CDYL2: variants seen among roughly 807,000 people sequenced by gnomAD.
CDYL2 encodes the protein chromodomain Y like 2.
Under a neutral mutation model 49.4 loss-of-function variants are expected in CDYL2, and 23 were observed. That is an observed-to-expected ratio of 0.47 (90% CI 0.34 to 0.66). CDYL2 has a LOEUF of 0.66. Among genes scored for constraint, CDYL2 ranks in the 30% least tolerant of loss-of-function variants. CDYL2 has a pLI of 0.01. For missense variants in CDYL2, 678 were observed against 656.4 expected (o/e 1.03, Z -0.36); for synonymous variants, 360 against 268.8 (o/e 1.34, Z -3.32).
intron 1 of CDYL2, among the ~76,000 whole-genome samples, chr16:80,746,858 A>T (rs1473022881): frequency 6.6e-6 from 1 of 152,144 alleles, no homozygotes; most frequent in Non-Finnish European, 1.5e-5. Flanking sequence ...GACTTTAACA[A>T]CTTGCAGACT....
At chr16:80,632,883 G>T in intron 3 of CDYL2, 136 bp downstream of exon 3, 2 of 735,144 alleles carry the variant, frequency 2.7e-6, no homozygotes, top group Admixed American at 5.0e-5. Context: ...CAAATTGCGC[G>T]CTGCAGTCAA....
chr16:80,678,282 G>C (rs1047531103), intron 2 of CDYL2, among the ~76,000 whole-genome samples: 2 of 152,164 alleles, frequency 1.3e-5, no homozygotes, highest in Admixed American at 6.5e-5. Context: ...AAACTAAAGA[G>C]CTTCTGTACA....
intron 1 of CDYL2, among the ~76,000 whole-genome samples, chr16:80,691,086 T>C (rs887265830): frequency 6.6e-6 from 1 of 151,902 alleles, no homozygotes; most frequent in African/African-American, 2.4e-5. Context: ...AAAGAAGACA[T>C]CCACGCCTAC....
At chr16:80,678,448 G>T (rs929253898) in intron 2 of CDYL2, among the ~76,000 whole-genome samples, 4 of 152,076 alleles carry the variant, frequency 2.6e-5, no homozygotes, top group African/African-American at 7.3e-5. Flanking sequence ...AAAAGTGGGC[G>T]AAGGACATGA....
intron 1 of CDYL2, among the ~76,000 whole-genome samples, chr16:80,709,943 T>TTTAACATGGAGTTTCACTC (rs1482019267): frequency 1.3e-5 from 2 of 152,120 alleles, no homozygotes; most frequent in African/African-American, 2.4e-5. Flanking sequence ...TTTTTTTTTT[T>TTTAACATGGAGTTTCACTC]TTAACATGGA....
At chr16:80,638,443 A>T (rs2142400769) in intron 2 of CDYL2, among the ~76,000 whole-genome samples, 1 of 152,308 alleles carries the variant, frequency 6.6e-6, no homozygotes, top group Non-Finnish European at 1.5e-5. Context: ...ATCCCAATTC[A>T]AATCCCAGCA....
chr16:80,662,033 T>C (rs573927854), intron 2 of CDYL2, among the ~76,000 whole-genome samples: 2 of 152,188 alleles, frequency 1.3e-5, no homozygotes, highest in Non-Finnish European at 2.9e-5. Flanking sequence ...ATGTTCCTAG[T>C]GGTGCATTCC....
intron 2 of CDYL2, chr16:80,670,900 G>C (rs1390400330): frequency 2.2e-6 from 1 of 455,916 alleles, no homozygotes; most frequent in South Asian, 1.5e-5. Flanking sequence ...GAAGATAAAA[G>C]GGGCTCTATA....
At chr16:80,696,914 C>G (rs1910634937) in intron 1 of CDYL2, among the ~76,000 whole-genome samples, 1 of 152,158 alleles carries the variant, frequency 6.6e-6, no homozygotes, top group Admixed American at 6.5e-5. Context: ...AGAGAATCAC[C>G]TGAAGTCAGG....
At chr16:80,705,188 C>T (rs1216213764) in intron 1 of CDYL2, among the ~76,000 whole-genome samples, 2 of 152,244 alleles carry the variant, frequency 1.3e-5, no homozygotes, top group East Asian at 3.8e-4. Flanking sequence ...CCAGAGGTGG[C>T]ATCAGTTTCC....
chr16:80,740,234 C>A (rs1437868883), intron 1 of CDYL2, among the ~76,000 whole-genome samples: 2 of 152,196 alleles, frequency 1.3e-5, no homozygotes, highest in East Asian at 3.8e-4. Context: ...ATGAAACTTG[C>A]CACTTGTTTT....
rs13336907 is a variant in CDYL2 at position 80,748,781 on chromosome 16, C to T, written c.24+55369G>A. ...TCTACCCCCAACTTAACAGTTGATC[C>T]CTGTCCTTGAGCTGCCCTTGTCTCT... is the stretch of plus-strand genomic sequence containing the variant. On this transcript the variant is annotated intron_variant, in intron 1 of 6. Transcript: ENST00000570137. Among the ~76,000 whole-genome samples, 478 of 152,088 alleles carry T rather than the reference C, an allele frequency of 3.1e-3. 2 individuals carry two copies. The highest frequency in any genetic ancestry group is 0.011 in the African/African-American group (467 of 41,472).
intron 1 of CDYL2, among the ~76,000 whole-genome samples, chr16:80,753,102 A>T (rs1045197900): frequency 6.6e-6 from 1 of 152,200 alleles, no homozygotes; most frequent in African/African-American, 2.4e-5. Flanking sequence ...ATGCAGTCAA[A>T]GTTTCCTAAG....
intron 3 of CDYL2, among the ~76,000 whole-genome samples, chr16:80,623,781 C>A (rs1023995925): frequency 6.6e-6 from 1 of 152,138 alleles, no homozygotes; most frequent in African/African-American, 2.4e-5. Context: ...GGAAGTCAGA[C>A]TTTGGGGACC....
At chr16:80,670,039 A>C (rs895521845) in intron 2 of CDYL2, among the ~76,000 whole-genome samples, 1 of 152,200 alleles carries the variant, frequency 6.6e-6, no homozygotes, top group Non-Finnish European at 1.5e-5. Context: ...GGGGCACAAC[A>C]ACCTCATCAA....
intron 1 of CDYL2, among the ~76,000 whole-genome samples, chr16:80,790,283 G>T (rs1301534508): frequency 2.0e-5 from 3 of 151,954 alleles, no homozygotes; most frequent in Non-Finnish European, 4.4e-5. Flanking sequence ...AAATGCCAAG[G>T]GGGTGGTAAT....
intron 1 of CDYL2, among the ~76,000 whole-genome samples, chr16:80,799,683 C>G (rs950038189): frequency 1.3e-5 from 2 of 152,174 alleles, no homozygotes; most frequent in African/African-American, 4.8e-5. Context: ...GCTTAAGCCC[C>G]TGAAGAAATT....
At chr16:80,706,402 G>C (rs1904405642) in intron 1 of CDYL2, among the ~76,000 whole-genome samples, 2 of 152,180 alleles carry the variant, frequency 1.3e-5, no homozygotes, top group African/African-American at 4.8e-5. Flanking sequence ...ACCTCAGCTT[G>C]AATCTAGGCC....
chr16:80,637,492 A>G (rs185126314), intron 2 of CDYL2, among the ~76,000 whole-genome samples: 6 of 152,328 alleles, frequency 3.9e-5, no homozygotes, highest in African/African-American at 1.2e-4. Context: ...AGACTTGTCT[A>G]CATAGAAAGT....
Sources: allele counts gnomAD v4.1 joint callset (sites outside exome capture counted in the v4.1 genomes callset), GRCh38; gene constraint gnomAD v4.1.1; transcripts MANE v1.5; gene names NCBI Gene and HGNC (gene_info 2026-07-23, HGNC 2026-07-21).